Variants in PCDH11X observed in about 807,000 individuals in gnomAD.
PCDH11X encodes the protein protocadherin 11 X-linked.
Under a neutral mutation model 53.3 loss-of-function variants are expected in PCDH11X, and 18 were observed. The observed-to-expected ratio is 0.34, with a 90% CI of 0.23 to 0.50. PCDH11X has a LOEUF of 0.50. Among genes scored for constraint, PCDH11X ranks in the 20% least tolerant of loss-of-function variants. The pLI is 0.98. For synonymous variants in PCDH11X, 279 were observed against 393.3 expected (o/e 0.71, Z 3.44); for missense variants, 570 against 1,032.4 (o/e 0.55, Z 6.14).
intron 6 of PCDH11X, among the ~76,000 whole-genome samples, chrX:92,053,910 T>C (rs1464953507): frequency 8.9e-6 from 1 of 111,931 alleles, no homozygotes; most frequent in Non-Finnish European, 1.9e-5. Flanking sequence ...TGTTGTCATC[T>C]GCTCTTGACA....
At chrX:92,104,847 G>A (rs2064341224) in intron 6 of PCDH11X, among the ~76,000 whole-genome samples, 1 of 110,395 alleles carries the variant, frequency 9.1e-6, no homozygotes, top group African/African-American at 3.3e-5. Flanking sequence ...TAAGGGATTG[G>A]GGCACAGAGA....
At chrX:92,223,324 C>T in intron 7 of PCDH11X, among the ~76,000 whole-genome samples, 1 of 111,971 alleles carries the variant, frequency 8.9e-6, no homozygotes, top group Non-Finnish European at 1.9e-5. Flanking sequence ...ACCCACCTGG[C>T]TTTTAGCTCT....
intron 8 of PCDH11X, among the ~76,000 whole-genome samples, chrX:92,374,676 GA>G (rs780658537): frequency 9.0e-6 from 1 of 111,471 alleles, no homozygotes; most frequent in Non-Finnish European, 1.9e-5. Flanking sequence ...TGGTTCAGTT[GA>G]AAATAATAGA....
intron 10 of PCDH11X, among the ~76,000 whole-genome samples, chrX:92,523,190 G>A (rs2148718334): frequency 8.9e-6 from 1 of 111,838 alleles, no homozygotes; most frequent in East Asian, 2.8e-4. Context: ...ATTTTTCTCA[G>A]CGATGCACTG....
intron 6 of PCDH11X, among the ~76,000 whole-genome samples, chrX:91,936,325 A>T (rs1258911108): frequency 9.1e-6 from 1 of 109,415 alleles, no homozygotes; most frequent in Non-Finnish European, 1.9e-5. Flanking sequence ...AAAGTAGTTG[A>T]ACATAGAGTT....
intron 6 of PCDH11X, among the ~76,000 whole-genome samples, chrX:91,940,496 C>T (rs2061495991): frequency 9.0e-6 from 1 of 111,051 alleles, no homozygotes; most frequent in South Asian, 3.8e-4. Context: ...CATGGGCACA[C>T]ATGCGCATGT....
At chrX:92,243,541 C>T (rs1276170675) in intron 7 of PCDH11X, among the ~76,000 whole-genome samples, 1 of 110,275 alleles carries the variant, frequency 9.1e-6, no homozygotes, top group Middle Eastern at 4.3e-3. Flanking sequence ...TAGAGTGATT[C>T]CTTCCATTTT....
intron 10 of PCDH11X, among the ~76,000 whole-genome samples, chrX:92,503,829 T>G (rs1410005641): frequency 9.0e-6 from 1 of 110,716 alleles, no homozygotes; most frequent in Non-Finnish European, 1.9e-5. Flanking sequence ...CGTTTACTTA[T>G]GTAACAATCC....
At chrX:92,296,469 G>A (rs757793864) in intron 8 of PCDH11X, among the ~76,000 whole-genome samples, 101 of 105,223 alleles carry the variant, frequency 9.6e-4, no homozygotes, top group Non-Finnish European at 6.4e-4. Context: ...TCAATATTTA[G>A]CTCCCACTTA....
At chrX:92,125,416 A>G (rs1420309442) in intron 6 of PCDH11X, among the ~76,000 whole-genome samples, 2 of 112,044 alleles carry the variant, frequency 1.8e-5, no homozygotes, top group Non-Finnish European at 3.8e-5. Flanking sequence ...AACTAAAAGT[A>G]ATAAGACTGG....
rs186827817 is a variant in PCDH11X, at chrX:92,499,787, A to T, written c.3367+31465A>T. 3.6e-3 allele frequency among the ~76,000 whole-genome samples: 383 copies of T among 106,421 alleles called. 2 individuals are homozygous for T. The highest frequency in any genetic ancestry group is 0.013 in the African/African-American group (368 of 29,298). The allele number at this position is 106,421 out of a possible 115,157, so 92.4% of individuals were successfully genotyped here. A position where few individuals can be genotyped will look rare whatever the true frequency, so the allele number is the denominator to read the frequency against. ...GTCGAGGCTGCAGTGAGCCATGATT[A>T]TGCCAGTGCACTCCAGCCTGGGTGA... On this transcript the variant is annotated intron_variant, in intron 10 of 10. Transcript: ENST00000682573.
chrX:92,173,375 C>A (rs2148279285), intron 6 of PCDH11X, among the ~76,000 whole-genome samples: 1 of 111,538 alleles, frequency 9.0e-6, no homozygotes, highest in South Asian at 3.7e-4. Context: ...ATGAAAAAGG[C>A]AATTCATTTT....
intron 6 of PCDH11X, among the ~76,000 whole-genome samples, chrX:91,923,288 G>A (rs1217048271): frequency 5.3e-5 from 5 of 93,513 alleles, no homozygotes; most frequent in African/African-American, 2.0e-4. Context: ...CTGTGAGGGT[G>A]TTGGCAAAGG....
intron 10 of PCDH11X, among the ~76,000 whole-genome samples, chrX:92,578,552 A>G (rs1442990887): frequency 5.6e-5 from 6 of 106,498 alleles, no homozygotes; most frequent in African/African-American, 1.7e-4. Flanking sequence ...TCTTTTTTTC[A>G]GAAACTAGGA....
chrX:92,217,928 C>G (rs2066757958), intron 7 of PCDH11X, among the ~76,000 whole-genome samples: 1 of 109,180 alleles, frequency 9.2e-6, no homozygotes, highest in South Asian at 4.2e-4. Context: ...TACATGGAAA[C>G]TGAACAACCT....
intron 10 of PCDH11X, among the ~76,000 whole-genome samples, chrX:92,503,511 G>A (rs2073997636): frequency 1.0e-5 from 1 of 98,973 alleles, no homozygotes; most frequent in Non-Finnish European, 2.0e-5. Flanking sequence ...TAAAGAAAAT[G>A]TGGTACATAT....
chrX:92,271,915 T>A (rs924189532), intron 8 of PCDH11X, among the ~76,000 whole-genome samples: 1 of 112,362 alleles, frequency 8.9e-6, no homozygotes, highest in Admixed American at 9.5e-5. Flanking sequence ...GCATTATGAT[T>A]TAAAGACTAG....
At chrX:92,495,032 A>G in intron 10 of PCDH11X, among the ~76,000 whole-genome samples, 1 of 96,329 alleles carries the variant, frequency 1.0e-5, no homozygotes, top group Admixed American at 1.2e-4. Context: ...TGATATTTAA[A>G]CCCTGATTTG....
intron 10 of PCDH11X, among the ~76,000 whole-genome samples, chrX:92,498,708 A>T (rs1355779393): frequency 1.9e-5 from 2 of 106,337 alleles, no homozygotes; most frequent in African/African-American, 6.8e-5. Context: ...AATGTATTGC[A>T]TACTTCTACA....
Sources: gnomAD v4.1 joint callset for allele counts (sites outside exome capture counted in the v4.1 genomes callset) on GRCh38, gnomAD v4.1.1 for gene constraint, MANE v1.5 for transcripts, NCBI Gene and HGNC (gene_info 2026-07-23, HGNC 2026-07-21) for gene names.